ADCY2: variants seen among roughly 807,000 people sequenced by gnomAD.
The protein encoded by ADCY2 is adenylate cyclase 2.
Under a neutral mutation model 125.2 loss-of-function variants are expected in ADCY2, and 31 were observed. The observed-to-expected ratio is 0.25, with a 90% confidence interval of 0.19 to 0.33. The LOEUF is 0.33. ADCY2 is among the 10% of genes least tolerant of loss of function. The probability of loss-of-function intolerance (pLI) is 1.00; values close to 1 mark genes in which losing one functional copy is unlikely to be tolerated. For synonymous variants in ADCY2, 512 were observed against 548.4 expected, an observed-to-expected ratio of 0.93 and a Z score of 0.93; for missense variants, 904 against 1,418.2, an observed-to-expected ratio of 0.64 and a Z score of 5.82.
At chr5:7,447,694 G>A (rs1561031046) in intron 2 of ADCY2, among the ~76,000 whole-genome samples, 1 of 152,206 alleles carries the variant, frequency 6.6e-6, no homozygotes, top group Non-Finnish European at 1.5e-5. Flanking sequence ...TCTGAGAGCA[G>A]GAAGAGATCA....
chr5:7,601,298 A>G (rs1290098083), intron 3 of ADCY2, among the ~76,000 whole-genome samples: 2 of 151,956 alleles, frequency 1.3e-5, no homozygotes, highest in Admixed American at 6.5e-5. Flanking sequence ...AATTTTAAAC[A>G]AATATCGTGA....
chr5:7,494,009 A>G (rs1743259627), intron 2 of ADCY2, among the ~76,000 whole-genome samples: 1 of 152,114 alleles, frequency 6.6e-6, no homozygotes, highest in South Asian at 2.1e-4. Context: ...CAGAGAGGAA[A>G]GGTCCCCAGG....
intron 2 of ADCY2, among the ~76,000 whole-genome samples, chr5:7,418,648 T>TTTTTTTG (rs1491497945): frequency 3.1e-4 from 22 of 72,064 alleles, no homozygotes; most frequent in African/African-American, 1.5e-3. Flanking sequence ...CTACCTTCTG[T>TTTTTTTG]TTTTTTTTTT....
At chr5:7,612,348 A>G (rs1479007672) in intron 3 of ADCY2, among the ~76,000 whole-genome samples, 1 of 152,246 alleles carries the variant, frequency 6.6e-6, no homozygotes, top group African/African-American at 2.4e-5. Flanking sequence ...TATGCAATGC[A>G]GATACAGGGT....
chr5:7,714,884 T>TA (rs1269556565), intron 11 of ADCY2, among the ~76,000 whole-genome samples: 1 of 152,214 alleles, frequency 6.6e-6, no homozygotes, highest in East Asian at 1.9e-4. Context: ...CATGCCTGCT[T>TA]AGACCTATCA....
Position 7,690,735 on chromosome 5 carries a change from G to C in ADCY2, c.765G>C (p.Glu255Asp). The change falls in exon 5 of 25, where the codon GAG becomes GAC. Residue 255 changes from glutamate to aspartate, a missense_variant. Glu to Asp is a conservative substitution (Grantham distance 45). Coordinates refer to ENST00000338316, the MANE Select transcript of ADCY2 (RefSeq NM_020546.3). Reference sequence around the variant, plus strand: ...TGCTGCCGGCCCACATCGCCATGGAGATGAAAGCGGAGATCATCCAGAGGC... The same window carrying C: ...TGCTGCCGGCCCACATCGCCATGGACATGAAAGCGGAGATCATCCAGAGGC... ...LSLLPAHIAM[E>D]MKAEIIQRLQ... 6.2e-7 allele frequency: 1 copy of C among 1,608,992 alleles called. No homozygotes were observed. Among genetic ancestry groups the C allele is most frequent in the Non-Finnish European group, 8.5e-7 (1 of 1,178,218 alleles).
chr5:7,543,312 T>C (rs896695704), intron 3 of ADCY2, among the ~76,000 whole-genome samples: 3 of 152,142 alleles, frequency 2.0e-5, no homozygotes, highest in African/African-American at 7.3e-5. Flanking sequence ...TGAATCTAAT[T>C]AATATTTTAA....
At position 7,802,851 on chromosome 5, in the gene ADCY2, T is replaced by C. The variant is rs569815632; in HGVS notation, c.2775+487T>C. 6.6e-6 allele frequency among the ~76,000 whole-genome samples: 1 copy of C among 152,272 alleles called. No individual in the cohort carries two copies. Among genetic ancestry groups the C allele is most frequent in the Non-Finnish European group, 1.5e-5 (1 of 68,028 alleles). ...GAGGGACAGAGTGTCTGTTTTAGAATTTGAAATAGATGTTATTTTTCAACT... is the reference window on the plus strand; with the variant it reads ...GAGGGACAGAGTGTCTGTTTTAGAACTTGAAATAGATGTTATTTTTCAACT... On this transcript the variant is annotated intron_variant, in intron 21 of 24. Transcript: ENST00000338316. This position sits in a 1 kb window ranked among gnomAD's most constrained non-coding sequence, Gnocchi z 4.6.
At chr5:7,465,337 T>TGTCTTTTTTAGC (rs1742075877) in intron 2 of ADCY2, among the ~76,000 whole-genome samples, 2 of 152,208 alleles carry the variant, frequency 1.3e-5, no homozygotes, top group Non-Finnish European at 2.9e-5. Flanking sequence ...TCATGTCCCA[T>TGTCTTTTTTAGC]ATGGATGCGT....
At chr5:7,714,656 G>T (rs1011275546) in intron 11 of ADCY2, among the ~76,000 whole-genome samples, 4 of 152,226 alleles carry the variant, frequency 2.6e-5, no homozygotes, top group Admixed American at 2.0e-4. Flanking sequence ...TGCTCTTCAG[G>T]CTTGCCTGCT....
At chr5:7,825,743 T>C (rs1217320777) in intron 24 of ADCY2, among the ~76,000 whole-genome samples, 1 of 152,218 alleles carries the variant, frequency 6.6e-6, no homozygotes, top group Non-Finnish European at 1.5e-5. Context: ...ACTGGTTCTC[T>C]GCTTTTGCAG....
chr5:7,663,222 T>A (rs1739595968), intron 4 of ADCY2, among the ~76,000 whole-genome samples: 1 of 152,220 alleles, frequency 6.6e-6, no homozygotes, highest in South Asian at 2.1e-4. Context: ...GACACAGATT[T>A]AGCCACACCA....
chr5:7,530,071 T>C (rs1734591556), intron 3 of ADCY2, among the ~76,000 whole-genome samples: 1 of 152,160 alleles, frequency 6.6e-6, no homozygotes, highest in South Asian at 2.1e-4. Flanking sequence ...CCTAATTATT[T>C]AGCTTGCTCA....
intron 1 of ADCY2, among the ~76,000 whole-genome samples, chr5:7,411,836 G>A (rs971786544): frequency 6.6e-6 from 1 of 152,172 alleles, no homozygotes; most frequent in Non-Finnish European, 1.5e-5. Context: ...AGCACTTTGG[G>A]AGGCCGAGGC....
chr5:7,493,189 C>T (rs1326917683), intron 2 of ADCY2, among the ~76,000 whole-genome samples: 1 of 152,150 alleles, frequency 6.6e-6, no homozygotes, highest in African/African-American at 2.4e-5. Flanking sequence ...AGCCAGGAGT[C>T]AGCACTGATC....
chr5:7,490,347 G>A (rs188648772), intron 2 of ADCY2, among the ~76,000 whole-genome samples: 2 of 152,040 alleles, frequency 1.3e-5, no homozygotes, highest in East Asian at 3.9e-4. Context: ...GTAATTCATT[G>A]CAAGCTGATT....
At chr5:7,406,232 AG>A (rs538974948) in intron 1 of ADCY2, among the ~76,000 whole-genome samples, 1 of 152,302 alleles carries the variant, frequency 6.6e-6, no homozygotes, top group Admixed American at 6.5e-5. Flanking sequence ...TTGTCTGTGA[AG>A]GGCAGTAAGC....
intron 14 of ADCY2, among the ~76,000 whole-genome samples, chr5:7,728,162 G>A (rs1180118022): frequency 6.6e-6 from 1 of 152,018 alleles, no homozygotes; most frequent in African/African-American, 2.4e-5. Context: ...TCATGGTGCA[G>A]CCAGCCTTTG....
intron 3 of ADCY2, among the ~76,000 whole-genome samples, chr5:7,579,678 A>G (rs1331669786): frequency 6.6e-6 from 1 of 152,250 alleles, no homozygotes; most frequent in Admixed American, 6.5e-5. Flanking sequence ...TCTCTATAAC[A>G]TGTCATTCAT....
Sources: allele counts gnomAD v4.1 joint callset (sites outside exome capture counted in the v4.1 genomes callset), GRCh38; gene constraint gnomAD v4.1.1; non-coding constraint Gnocchi (gnomAD v3.1); transcripts MANE v1.5; gene names NCBI Gene and HGNC (gene_info 2026-07-23, HGNC 2026-07-21).